The following BMERB1 variants were observed in gnomAD, a reference collection of about 807,000 sequenced individuals.
BMERB1 encodes the protein bMERB domain-containing protein 1.
A neutral mutation model predicts 23.6 loss-of-function variants in BMERB1; 12 were observed. The observed-to-expected ratio is 0.51, with a 90% CI of 0.33 to 0.82. The LOEUF is 0.82. BMERB1 is among the 40% of genes least tolerant of loss of function. The pLI, the probability that BMERB1 is intolerant of heterozygous loss-of-function variation, is 0.03. For synonymous variants in BMERB1, 122 were observed against 96.6 expected (o/e 1.26, Z -1.54); for missense variants, 247 against 255.4 (o/e 0.97, Z 0.22).
chr16:15,489,222 GT>G (rs1338382723), intron 1 of BMERB1, among the ~76,000 whole-genome samples: 6 of 152,136 alleles, frequency 3.9e-5, no homozygotes, highest in Admixed American at 1.3e-4. Context: ...GTGCCAGTTG[GT>G]TCCCCAAAGG....
intron 1 of BMERB1, among the ~76,000 whole-genome samples, chr16:15,463,951 T>C (rs1198709693): frequency 6.6e-6 from 1 of 151,778 alleles, no homozygotes; most frequent in African/African-American, 2.4e-5. Flanking sequence ...GAGAGGGCTC[T>C]CGGATCTTGT....
intron 1 of BMERB1, among the ~76,000 whole-genome samples, chr16:15,491,536 A>G (rs1274233585): frequency 2.0e-5 from 3 of 152,182 alleles, no homozygotes; most frequent in African/African-American, 7.2e-5. Context: ...CACTAGGACT[A>G]AAATCCAAAC....
chr16:15,513,130 A>AATAGCAC (rs2051693396), intron 1 of BMERB1, among the ~76,000 whole-genome samples: 1 of 152,040 alleles, frequency 6.6e-6, no homozygotes, highest in Non-Finnish European at 1.5e-5. Context: ...AAAGGCCTTG[A>AATAGCAC]ATAGCACATC....
rs189223818 is a variant in BMERB1 at position 15,455,612 on chromosome 16, C to T, written c.106+20853C>T. Among the ~76,000 whole-genome samples the T allele has an allele frequency of 2.5e-3, 374 of 152,000 alleles. 5 individuals are homozygous for T. The highest frequency in any genetic ancestry group is 8.6e-3 in the African/African-American group (355 of 41,484). On this transcript the variant is annotated intron_variant, in intron 1 of 5. Transcript: ENST00000300006. ...AGCAGATGGGATTACAGGCATGTGC[C>T]GCCACACCTGGATAATTTTGTATTT... is the stretch of plus-strand genomic sequence containing the variant.
At chr16:15,467,512 A>T (rs1327062398) in intron 1 of BMERB1, among the ~76,000 whole-genome samples, 8 of 152,084 alleles carry the variant, frequency 5.3e-5, no homozygotes, top group Non-Finnish European at 1.2e-4. Context: ...ATGCCTGTTC[A>T]TGTCCTTTGT....
At chr16:15,500,170 C>T (rs185667684) in intron 1 of BMERB1, among the ~76,000 whole-genome samples, 197 of 152,260 alleles carry the variant, frequency 1.3e-3, no homozygotes, top group African/African-American at 4.6e-3. Context: ...TCCTGGCTCC[C>T]AACAGACTAC....
intron 1 of BMERB1, among the ~76,000 whole-genome samples, chr16:15,457,150 A>G (rs748684913): frequency 8.5e-5 from 13 of 152,164 alleles, no homozygotes; most frequent in Non-Finnish European, 1.5e-4. Context: ...AATTAAAAGT[A>G]GAATTGCTGA....
intron 2 of BMERB1, among the ~76,000 whole-genome samples, chr16:15,532,240 G>GTT (rs60785238): frequency 1.3e-5 from 2 of 149,616 alleles, no homozygotes; most frequent in Admixed American, 6.7e-5. Flanking sequence ...TGTTTTTTTT[G>GTT]TTTTTTTTTG....
At chr16:15,491,568 C>T (rs1487722978) in intron 1 of BMERB1, among the ~76,000 whole-genome samples, 1 of 152,120 alleles carries the variant, frequency 6.6e-6, no homozygotes, top group African/African-American at 2.4e-5. Flanking sequence ...GCCTATAGGC[C>T]GGGCATCATG....
chr16:15,556,226 GA>G (rs2030254339), intron 2 of BMERB1, among the ~76,000 whole-genome samples: 1 of 151,964 alleles, frequency 6.6e-6, no homozygotes, highest in Non-Finnish European at 1.5e-5. Context: ...ATTTTGCACA[GA>G]AATGTTGGCT....
At chr16:15,539,862 A>G (rs1315503117) in intron 2 of BMERB1, among the ~76,000 whole-genome samples, 5 of 151,792 alleles carry the variant, frequency 3.3e-5, no homozygotes, top group Non-Finnish European at 5.9e-5. Context: ...AAAGAAAAAG[A>G]AAAAGAATTT....
chr16:15,458,674 A>G (rs1445612436), intron 1 of BMERB1, among the ~76,000 whole-genome samples: 3 of 150,962 alleles, frequency 2.0e-5, no homozygotes, highest in South Asian at 4.2e-4. Flanking sequence ...CTGTGTTGGC[A>G]CCACTGCACT....
chr16:15,479,666 G>A (rs986671147), intron 1 of BMERB1, among the ~76,000 whole-genome samples: 4 of 151,966 alleles, frequency 2.6e-5, no homozygotes, highest in African/African-American at 9.7e-5. Context: ...ACATTGAAAC[G>A]ATTTGCAAAA....
chr16:15,552,036 T>A (rs976052739), intron 2 of BMERB1, among the ~76,000 whole-genome samples: 1 of 152,078 alleles, frequency 6.6e-6, no homozygotes, highest in Non-Finnish European at 1.5e-5. Flanking sequence ...AGGGGTAGGG[T>A]TAGGGACACC....
At chr16:15,578,513 A>G (rs938722988) in intron 3 of BMERB1, among the ~76,000 whole-genome samples, 2 of 152,224 alleles carry the variant, frequency 1.3e-5, no homozygotes, top group Non-Finnish European at 2.9e-5. Context: ...TAGAAGAGAT[A>G]TAAACTGGGG....
At chr16:15,497,184 T>G (rs888899371) in intron 1 of BMERB1, among the ~76,000 whole-genome samples, 15 of 152,156 alleles carry the variant, frequency 9.9e-5, no homozygotes, top group African/African-American at 3.6e-4. Flanking sequence ...AAGGAGGCTT[T>G]ACTCAGGTGT....
chr16:15,478,801 A>G (rs1184286004), intron 1 of BMERB1, among the ~76,000 whole-genome samples: 1 of 152,210 alleles, frequency 6.6e-6, no homozygotes, highest in Admixed American at 6.5e-5. Context: ...AGTTTCATTT[A>G]AGAATGTTCT....
At chr16:15,525,835 T>C (rs1179437692) in intron 2 of BMERB1, among the ~76,000 whole-genome samples, 1 of 152,182 alleles carries the variant, frequency 6.6e-6, no homozygotes, top group Non-Finnish European at 1.5e-5. Flanking sequence ...AAATTTTCAT[T>C]TGGATAGTTT....
rs545146312 is a variant in BMERB1 at position 15,553,996 on chromosome 16, T to C, written c.231-13987T>C. Among the ~76,000 whole-genome samples the C allele has an allele frequency of 2.2e-4, 34 of 152,300 alleles. 1 individual carries two copies. In the South Asian group the frequency reaches 7.0e-3, roughly 32 times the overall value. ...AACGCAGACACATATGTCCCTGATA[T>C]GTCCTAATTGGGCAGACTCTTCATT... On this transcript the variant is annotated intron_variant, in intron 2 of 5. Coordinates refer to ENST00000300006, the MANE Select transcript of BMERB1 (RefSeq NM_033201.3).
Sources: allele counts gnomAD v4.1 joint callset (sites outside exome capture counted in the v4.1 genomes callset), GRCh38; gene constraint gnomAD v4.1.1; transcripts MANE v1.5; gene names NCBI Gene and HGNC (gene_info 2026-07-23, HGNC 2026-07-21).